Variants in CSMD1 observed in about 807,000 individuals in gnomAD.
The protein encoded by CSMD1 is CUB and sushi domain-containing protein 1.
In CSMD1, 213 loss-of-function variants were observed where a neutral mutation model predicts 417.5. The observed-to-expected ratio is 0.51, with a 90% CI of 0.46 to 0.57. The LOEUF is 0.57. Ranked by LOEUF, CSMD1 falls within the 20% of genes least tolerant of loss-of-function variation. CSMD1 has a pLI of 0.00. For missense variants in CSMD1, 6,923 were observed against 4,529.7 expected (o/e 1.53, Z -15.17); for synonymous variants, 2,862 against 1,736.8 (o/e 1.65, Z -16.11).
At chr8:3,028,359 C>T (rs1810100900) in intron 51 of CSMD1, among the ~76,000 whole-genome samples, 1 of 152,154 alleles carries the variant, frequency 6.6e-6, no homozygotes, top group Non-Finnish European at 1.5e-5. Context: ...AAAGGTGTGA[C>T]AAAGAGGAAC....
At chr8:4,784,026 A>G (rs1442981331) in intron 1 of CSMD1, among the ~76,000 whole-genome samples, 2 of 152,226 alleles carry the variant, frequency 1.3e-5, no homozygotes, top group Non-Finnish European at 2.9e-5. Context: ...ATGGATAAAA[A>G]AAGTGTATTT....
intron 2 of CSMD1, among the ~76,000 whole-genome samples, chr8:4,505,204 C>A (rs7828008): frequency 0.17 from 26,243 of 151,994 alleles, 2,282 homozygotes; most frequent in Admixed American, 0.22. Flanking sequence ...TTTAAATAAT[C>A]CAGTTAGAGG....
At chr8:4,910,494 G>T (rs900916830) in intron 1 of CSMD1, among the ~76,000 whole-genome samples, 3 of 152,156 alleles carry the variant, frequency 2.0e-5, no homozygotes, top group Admixed American at 6.5e-5. Context: ...GTTTCTAGAA[G>T]GCACCTTCCC....
intron 5 of CSMD1, among the ~76,000 whole-genome samples, chr8:3,864,686 G>A (rs557757293): frequency 2.0e-5 from 3 of 151,980 alleles, no homozygotes; most frequent in African/African-American, 7.3e-5. Context: ...GACTGATGAA[G>A]GTGCCCTACT....
chr8:3,609,140 T>A (rs1801765749), intron 8 of CSMD1, among the ~76,000 whole-genome samples: 1 of 152,194 alleles, frequency 6.6e-6, no homozygotes, highest in South Asian at 2.1e-4. Flanking sequence ...ATATAGCACT[T>A]TGTTAGGTTA....
chr8:3,160,554 G>A (rs1819821123), intron 38 of CSMD1, among the ~76,000 whole-genome samples: 1 of 152,200 alleles, frequency 6.6e-6, no homozygotes, highest in Admixed American at 6.5e-5. Context: ...TTACTCACCA[G>A]TTTCCACTAC....
intron 3 of CSMD1, among the ~76,000 whole-genome samples, chr8:4,108,128 G>T (rs1278298165): frequency 6.6e-6 from 1 of 151,608 alleles, no homozygotes; most frequent in Non-Finnish European, 1.5e-5. Flanking sequence ...GAGGAGGAGG[G>T]TAGGGAAGGG....
intron 2 of CSMD1, among the ~76,000 whole-genome samples, chr8:4,540,007 G>A (rs542685362): frequency 5.6e-4 from 85 of 152,184 alleles, no homozygotes; most frequent in Non-Finnish European, 9.3e-4. Flanking sequence ...GCTCACCGGG[G>A]CCCTCTTCCC....
chr8:3,370,442 G>A (rs1169495998), intron 18 of CSMD1, among the ~76,000 whole-genome samples: 1 of 152,180 alleles, frequency 6.6e-6, no homozygotes, highest in Admixed American at 6.5e-5. Flanking sequence ...GATGTCACCA[G>A]CTCAGATCTC....
At chr8:4,022,658 G>C (rs1011828096) in intron 4 of CSMD1, among the ~76,000 whole-genome samples, 3 of 152,136 alleles carry the variant, frequency 2.0e-5, no homozygotes, top group South Asian at 2.1e-4. Context: ...CGCTCAGGGA[G>C]AGAAATGTGG....
intron 7 of CSMD1, among the ~76,000 whole-genome samples, chr8:3,688,625 C>A (rs1316019705): frequency 3.9e-5 from 6 of 152,138 alleles, no homozygotes; most frequent in Non-Finnish European, 8.8e-5. Flanking sequence ...GGCCACTTAG[C>A]AAAAATACAA....
chr8:3,692,792 C>T (rs1416095063), intron 7 of CSMD1, among the ~76,000 whole-genome samples: 1 of 152,164 alleles, frequency 6.6e-6, no homozygotes, highest in East Asian at 1.9e-4. Flanking sequence ...ATAGGCTATT[C>T]TGAGACCTCT....
chr8:4,166,156 T>A (rs1210203648), intron 3 of CSMD1, among the ~76,000 whole-genome samples: 1 of 152,202 alleles, frequency 6.6e-6, no homozygotes, highest in Non-Finnish European at 1.5e-5. Flanking sequence ...AACATTATTT[T>A]AAATTTGTAG....
chr8:3,616,017 T>C (rs916177431), intron 8 of CSMD1, among the ~76,000 whole-genome samples: 3 of 152,138 alleles, frequency 2.0e-5, no homozygotes, highest in African/African-American at 7.3e-5. Context: ...ATGCATTTTC[T>C]GAATAAACTT....
At position 4,401,213 on chromosome 8, in the gene CSMD1, ATAACT is replaced by A. The variant is rs1165557994; in HGVS notation, c.415+18735_415+18739del. On this transcript the variant is annotated intron_variant, in intron 3 of 69. Coordinates refer to ENST00000635120, the MANE Select transcript of CSMD1 (RefSeq NM_033225.6). ...AAAAACTCTTCAAACGGTTTCTGAA[ATAACT>A]TAATGAATTTCAGCATTGTATGCTT... Among the ~76,000 whole-genome samples, 5 of 152,316 alleles carry A rather than the reference ATAACT, an allele frequency of 3.3e-5. No homozygotes were observed. The East Asian group carries it at 7.7e-4, about 24-fold the overall frequency.
intron 3 of CSMD1, among the ~76,000 whole-genome samples, chr8:4,211,365 C>T (rs974857892): frequency 6.6e-6 from 1 of 152,056 alleles, no homozygotes. Flanking sequence ...CCCTGTTTTT[C>T]TTTGAAGTAA....
chr8:4,909,290 G>T (rs1465387682), intron 1 of CSMD1, among the ~76,000 whole-genome samples: 2 of 151,384 alleles, frequency 1.3e-5, no homozygotes, highest in African/African-American at 2.4e-5. Context: ...TCAGGGCTAT[G>T]ACTTTTCTGA....
chr8:4,929,568 G>T (rs1453493973), intron 1 of CSMD1, among the ~76,000 whole-genome samples: 1 of 152,126 alleles, frequency 6.6e-6, no homozygotes, highest in Non-Finnish European at 1.5e-5. Context: ...AAGGAAAAAA[G>T]CTAGTCTCAA....
At chr8:4,884,780 T>C (rs757918983) in intron 1 of CSMD1, among the ~76,000 whole-genome samples, 2 of 152,070 alleles carry the variant, frequency 1.3e-5, no homozygotes, top group Non-Finnish European at 2.9e-5. Flanking sequence ...AGCTTTGGAA[T>C]AAGATTTGGG....
Sources: allele counts gnomAD v4.1 joint callset (sites outside exome capture counted in the v4.1 genomes callset), GRCh38; gene constraint gnomAD v4.1.1; transcripts MANE v1.5; gene names NCBI Gene and HGNC (gene_info 2026-07-23, HGNC 2026-07-21).